The following TINAG variants were observed in gnomAD, a reference collection of about 807,000 sequenced individuals.
The protein encoded by TINAG is tubulointerstitial nephritis antigen.
Under a neutral mutation model 72.7 loss-of-function variants are expected in TINAG, and 83 were observed. The observed-to-expected ratio is 1.14, with a 90% confidence interval of 0.96 to 1.37. TINAG has a LOEUF of 1.37. TINAG is among the 40% of genes most tolerant of loss of function. The pLI, the probability that TINAG is intolerant of heterozygous loss-of-function variation, is 0.00. For synonymous variants in TINAG, 234 were observed against 189.9 expected, an observed-to-expected ratio of 1.23 and a Z score of -1.91; for missense variants, 685 against 576.6, an observed-to-expected ratio of 1.19 and a Z score of -1.93.
chr6:54,386,422 C>T (rs568341865), intron 10 of TINAG, among the ~76,000 whole-genome samples: 79 of 152,176 alleles, frequency 5.2e-4, no homozygotes, highest in Admixed American at 8.5e-4. Context: ...GCTTACAGCC[C>T]TCTTCCAAGC....
chr6:54,308,939 C>A, intron 1 of TINAG, 34 bp downstream of exon 1: 1 of 1,498,732 alleles, frequency 6.7e-7, no homozygotes, highest in Non-Finnish European at 9.0e-7. Flanking sequence ...ACATCATCCT[C>A]GTTCATAACA....
intron 8 of TINAG, among the ~76,000 whole-genome samples, chr6:54,353,827 T>C (rs1034513561): frequency 1.3e-5 from 2 of 151,792 alleles, no homozygotes; most frequent in African/African-American, 4.8e-5. Flanking sequence ...AATTTTCAAA[T>C]TCATATCTTC....
intron 5 of TINAG, among the ~76,000 whole-genome samples, chr6:54,344,513 A>T (rs1350371012): frequency 6.6e-6 from 1 of 152,212 alleles, no homozygotes; most frequent in Non-Finnish European, 1.5e-5. Flanking sequence ...AGATGGGTGG[A>T]GAGAGGTTTA....
intron 3 of TINAG, among the ~76,000 whole-genome samples, chr6:54,324,082 C>T (rs1784551802): frequency 6.6e-6 from 1 of 152,098 alleles, no homozygotes; most frequent in Non-Finnish European, 1.5e-5. Flanking sequence ...AAATTAGTGG[C>T]ACAAGTAATA....
intron 1 of TINAG, among the ~76,000 whole-genome samples, chr6:54,314,099 A>G (rs1478453317): frequency 6.6e-6 from 1 of 152,330 alleles, no homozygotes; most frequent in East Asian, 1.9e-4. Flanking sequence ...GGACAAGAGT[A>G]TCACCCAGGA....
At chr6:54,338,538 G>A (rs774029029) in intron 4 of TINAG, among the ~76,000 whole-genome samples, 5 of 151,838 alleles carry the variant, frequency 3.3e-5, no homozygotes, top group African/African-American at 7.3e-5. Flanking sequence ...TAGCTAACAC[G>A]GTGAAACCCC....
At chr6:54,383,797 A>G (rs1371252967) in intron 10 of TINAG, among the ~76,000 whole-genome samples, 2 of 152,068 alleles carry the variant, frequency 1.3e-5, no homozygotes, top group South Asian at 4.1e-4. Flanking sequence ...GAGTGTGGCA[A>G]TTCCTCAAGA....
At chr6:54,327,069 T>A (rs1315223444) in intron 4 of TINAG, 153 bp downstream of exon 4, 3 of 1,546,978 alleles carry the variant, frequency 1.9e-6, no homozygotes, top group Non-Finnish European at 2.6e-6. Context: ...CCTAAATGGT[T>A]GTTAAACCCC....
intron 2 of TINAG, 120 bp downstream of exon 2, chr6:54,320,762 A>G (rs1182930639): frequency 8.9e-6 from 6 of 676,268 alleles, no homozygotes; most frequent in Non-Finnish European, 1.4e-5. Context: ...ATCATACATC[A>G]TAAGACATCA....
upstream of TINAG, chr6:54,308,176 C>T: frequency 1.3e-6 from 2 of 1,488,160 alleles, no homozygotes; most frequent in African/African-American, 1.4e-5. Flanking sequence ...TAATCTGGGC[C>T]ATGTATATTC....
intron 9 of TINAG, among the ~76,000 whole-genome samples, chr6:54,362,863 T>C (rs563597490): frequency 1.3e-4 from 20 of 151,534 alleles, no homozygotes; most frequent in African/African-American, 4.6e-4. Flanking sequence ...TTTCGAGACT[T>C]TAGTGGAGAA....
Position 54,320,213 on chromosome 6 carries a change from A to C in TINAG, c.356-366A>C, listed in dbSNP as rs538728732. Among the ~76,000 whole-genome samples, 8 of 152,234 alleles carry C rather than the reference A, an allele frequency of 5.3e-5. No homozygotes were observed. In the South Asian group the frequency reaches 1.7e-3, roughly 32 times the overall value. On this transcript the variant is annotated intron_variant, in intron 1 of 10. Coordinates refer to ENST00000259782, the MANE Select transcript of TINAG (RefSeq NM_014464.4). ...TTATAAGCACTTATGAGACTTGATT[A>C]GTTGTTTTTTTAAATGAGACATGCC...
chr6:54,353,063 T>C (rs890060928), intron 8 of TINAG, among the ~76,000 whole-genome samples: 1 of 151,792 alleles, frequency 6.6e-6, no homozygotes. Context: ...AAAAGTAAAA[T>C]TGCATGATTG....
chr6:54,371,739 A>G (rs574518593), intron 9 of TINAG, among the ~76,000 whole-genome samples: 3 of 152,114 alleles, frequency 2.0e-5, no homozygotes, highest in South Asian at 4.1e-4. Flanking sequence ...AGAAAGACAC[A>G]TAAGTGGTAG....
chr6:54,335,603 A>T (rs1159744162), intron 4 of TINAG, among the ~76,000 whole-genome samples: 1 of 152,182 alleles, frequency 6.6e-6, no homozygotes, highest in African/African-American at 2.4e-5. Flanking sequence ...ACATGAAGTA[A>T]GAAAGAACTG....
At chr6:54,355,809 A>G (rs1763018884) in intron 9 of TINAG, among the ~76,000 whole-genome samples, 1 of 151,128 alleles carries the variant, frequency 6.6e-6, no homozygotes, top group African/African-American at 2.4e-5. Flanking sequence ...AGTATTTTTA[A>G]TGAATCTCCT....
chr6:54,318,137 C>T lies in TINAG; in HGVS notation c.356-2442C>T, dbSNP rs567185110. 8.4e-4 allele frequency among the ~76,000 whole-genome samples: 128 copies of T among 152,214 alleles called. 1 individual carries two copies. In the South Asian group the frequency reaches 0.025, roughly 30 times the overall value. The stretch of plus-strand genomic sequence containing the variant: ...GACCACTTTCTCTTACCTATATACA[C>T]TCTCTCCAAAAGACTCTTATTTAGT... On this transcript the variant is annotated intron_variant, in intron 1 of 10. Transcript: ENST00000259782.
At chr6:54,355,275 C>G (rs1762998151) in intron 9 of TINAG, among the ~76,000 whole-genome samples, 1 of 151,868 alleles carries the variant, frequency 6.6e-6, no homozygotes, top group East Asian at 1.9e-4. Context: ...ATGTCTCACT[C>G]TAGTTCAAAT....
intron 9 of TINAG, among the ~76,000 whole-genome samples, chr6:54,364,771 T>G: frequency 6.7e-6 from 1 of 148,366 alleles, no homozygotes; most frequent in East Asian, 1.9e-4. Context: ...TATCTCTATA[T>G]CTATCTATCT....
Sources: allele counts gnomAD v4.1 joint callset (sites outside exome capture counted in the v4.1 genomes callset), GRCh38; gene constraint gnomAD v4.1.1; transcripts MANE v1.5; gene names NCBI Gene and HGNC (gene_info 2026-07-23, HGNC 2026-07-21).